OR56A1: variants seen among roughly 807,000 people sequenced by gnomAD.
OR56A1 encodes the protein olfactory receptor 56A1.
For synonymous variants in OR56A1, 174 were observed against 159.1 expected, an observed-to-expected ratio of 1.09 and a Z score of -0.70; for missense variants, 360 against 380.9, an observed-to-expected ratio of 0.94 and a Z score of 0.46.
Position 6,020,137 on chromosome 11 carries a change from A to G in OR56A1, c.*6611T>C, listed in dbSNP as rs1207004564. 3.9e-5 allele frequency: 6 copies of G among 152,142 alleles called. No individual in the cohort carries two copies. The highest frequency in any genetic ancestry group is 8.8e-5 in the Non-Finnish European group (6 of 67,988). The allele number at this position is 152,142 out of a possible 1,614,324, so 9.4% of individuals were successfully genotyped here. A position where few individuals can be genotyped will look rare whatever the true frequency, so the allele number is the denominator to read the frequency against. ...CAACGGCATCTCTTGACAGACCACAAGAATTCTGCATAAACTCAAAAGCTA... is the reference window on the plus strand; with the variant it reads ...CAACGGCATCTCTTGACAGACCACAGGAATTCTGCATAAACTCAAAAGCTA... On this transcript the variant is annotated 3_prime_UTR_variant, in exon 2 of 2. Transcript: ENST00000641900.
rs1472785711 is a variant in OR56A1, at chr11:6,021,530, A to G, written c.*5218T>C. 6.6e-6 allele frequency: 1 copy of G among 152,116 alleles called. No individual in the cohort carries two copies. Among genetic ancestry groups the G allele is most frequent in the Admixed American group, 6.5e-5 (1 of 15,268 alleles). 9.4% of individuals were successfully genotyped at this position (152,116 alleles called of 1,614,324 possible). On this transcript the variant is annotated 3_prime_UTR_variant, in exon 2 of 2. Transcript: ENST00000641900. Reference sequence around the variant, plus strand: ...TTATTATGTATCAATTTTAAAATGAATAATTAAATAAAAAATTATTTAAAG... The same window carrying G: ...TTATTATGTATCAATTTTAAAATGAGTAATTAAATAAAAAATTATTTAAAG...
rs766923276 is a variant in OR56A1, at chr11:6,027,658, A to G, written c.35T>C (p.Val12Ala). ...ASPSNSSTVPVSEFLLICFPN... is the reference protein window; with the variant it reads ...ASPSNSSTVPASEFLLICFPN... Reference sequence around the variant, plus strand: ...GAAGCAGATGAGGAGGAATTCAGAGACTGGGACAGTGGAGCTGTTGCTGGG... The same window carrying G: ...GAAGCAGATGAGGAGGAATTCAGAGGCTGGGACAGTGGAGCTGTTGCTGGG... The change falls in exon 2 of 2, where the codon GTC (valine) becomes GCC (alanine). Residue 12 changes from valine (V) to alanine (A), a missense_variant. Physicochemically the swap from Val to Ala is moderately conservative, Grantham distance 64. Coordinates refer to ENST00000641900, the MANE Select transcript of OR56A1 (RefSeq NM_001388488.1). 2.7e-5 allele frequency: 43 copies of G among 1,605,448 alleles called. No homozygotes were observed. The highest frequency in any genetic ancestry group is 1.7e-4 in the Middle Eastern group (1 of 6,036).
chr11:6,021,270 A>T lies in OR56A1; in HGVS notation c.*5478T>A, dbSNP rs1390190217. On this transcript the variant is annotated 3_prime_UTR_variant, in exon 2 of 2. Coordinates refer to ENST00000641900, the MANE Select transcript of OR56A1 (RefSeq NM_001388488.1). ...GAAGAAAGTTTTTGCTTTAGAATTT[A>T]AAAAATGTATTGATCCTACACAAAT... 6.6e-6 allele frequency: 1 copy of T among 152,128 alleles called. No homozygotes were observed. The highest frequency in any genetic ancestry group is 2.4e-5 in the African/African-American group (1 of 41,440). 9.4% of individuals were successfully genotyped at this position (152,128 alleles called of 1,614,324 possible). A position where few individuals can be genotyped will look rare whatever the true frequency, so the allele number is the denominator to read the frequency against.
At position 6,027,441 on chromosome 11, in the gene OR56A1, G is replaced by A; in HGVS notation, c.252C>T (p.Val84=). Residue 84 remains valine (V), a synonymous_variant, in exon 2 of 2, where the codon GTC becomes GTT. Coordinates refer to ENST00000641900, the MANE Select transcript of OR56A1 (RefSeq NM_001388488.1). The stretch of plus-strand genomic sequence containing the variant: ...TAAGATCATACCAGAAGATGGCCAG[G>A]ACCTTGGGGATGACGGTGAGGCAGA... The part of the protein sequence containing the change: ...IVLCLTVIPK[V]LAIFWYDLRS... 3 of 1,614,228 alleles carry A rather than the reference G, an allele frequency of 1.9e-6. No homozygotes were observed. Among genetic ancestry groups the A allele is most frequent in the Non-Finnish European group, 2.5e-6 (3 of 1,180,044 alleles).
At position 6,023,767 on chromosome 11, in the gene OR56A1, T is replaced by G. The variant is rs1052752810; in HGVS notation, c.*2981A>C. Reference sequence around the variant, plus strand: ...GGTACCCCATCCATTTAAAATGCCTTTAATTTATACTACTTCATTATATCC... The same window carrying G: ...GGTACCCCATCCATTTAAAATGCCTGTAATTTATACTACTTCATTATATCC... On this transcript the variant is annotated 3_prime_UTR_variant, in exon 2 of 2. Transcript: ENST00000641900. The G allele has an allele frequency of 6.6e-6, 1 of 152,214 alleles. No homozygotes were observed. Among genetic ancestry groups the G allele is most frequent in the East Asian group, 1.9e-4 (1 of 5,198 alleles). 9.4% of individuals were successfully genotyped at this position (152,214 alleles called of 1,614,324 possible). A position where few individuals can be genotyped will look rare whatever the true frequency, so the allele number is the denominator to read the frequency against.
At position 6,022,749 on chromosome 11, in the gene OR56A1, C is replaced by G. The variant is rs1401056408; in HGVS notation, c.*3999G>C. ...AATTATAATTCATGGGCTATTTTGA[C>G]CATAATCTCTCTAAAACTTAGTTTT... On this transcript the variant is annotated 3_prime_UTR_variant, in exon 2 of 2. Transcript: ENST00000641900. 1 of 152,036 alleles carries G rather than the reference C, an allele frequency of 6.6e-6. No homozygotes were observed. The highest frequency in any genetic ancestry group is 1.5e-5 in the Non-Finnish European group (1 of 67,986). The allele number at this position is 152,036 out of a possible 1,614,324, so 9.4% of individuals were successfully genotyped here.
chr11:6,027,531 C>A lies in OR56A1; in HGVS notation c.162G>T (p.Leu54=). The change falls in exon 2 of 2, where the codon CTG becomes CTT. Residue 54 remains leucine (L), a synonymous_variant. Transcript: ENST00000641900. The stretch of plus-strand genomic sequence containing the variant: ...ACAGGGGCTGGTGCAGAGAGGCCTC[C>A]AGCTGGATGGTGATCAGGAGGGTGG... The part of the protein sequence containing the change: ...ANTTLLITIQ[L]EASLHQPLYY... 1 of 1,613,986 alleles carries A rather than the reference C, an allele frequency of 6.2e-7. No homozygotes were observed. Among genetic ancestry groups the A allele is most frequent in the South Asian group, 1.1e-5 (1 of 91,052 alleles).
Position 6,026,593 on chromosome 11 carries a change from C to T in OR56A1, c.*155G>A, listed in dbSNP as rs1590486787. 2 of 572,022 alleles carry T rather than the reference C, an allele frequency of 3.5e-6. No homozygotes were observed. The highest frequency in any genetic ancestry group is 5.7e-5 in the East Asian group (2 of 34,826). The allele number at this position is 572,022 out of a possible 1,614,324, so 35.4% of individuals were successfully genotyped here. On this transcript the variant is annotated 3_prime_UTR_variant, in exon 2 of 2. Coordinates refer to ENST00000641900, the MANE Select transcript of OR56A1 (RefSeq NM_001388488.1). Reference sequence around the variant, plus strand: ...TTCCCCTTGCCTACCTCCACCTGAACTAGGCAAGGAAAGTAAAGGAAGGAA... The same window carrying T: ...TTCCCCTTGCCTACCTCCACCTGAATTAGGCAAGGAAAGTAAAGGAAGGAA...
Position 6,026,727 on chromosome 11 carries a change from T to C in OR56A1, c.*21A>G. On this transcript the variant is annotated 3_prime_UTR_variant, in exon 2 of 2. Transcript: ENST00000641900. ...ATCACTGAAGAGGAAGAACAGGAGG[T>C]ATTAGAAATGCTTTACATATTCACC... 1 of 1,401,430 alleles carries C rather than the reference T, an allele frequency of 7.1e-7. No homozygotes were observed. Among genetic ancestry groups the C allele is most frequent in the Non-Finnish European group, 9.9e-7 (1 of 1,009,332 alleles). 86.8% of individuals were successfully genotyped at this position (1,401,430 alleles called of 1,614,324 possible). A position where few individuals can be genotyped will look rare whatever the true frequency, so the allele number is the denominator to read the frequency against.
chr11:6,023,661 T>C lies in OR56A1; in HGVS notation c.*3087A>G, dbSNP rs1385715358. 2 of 152,194 alleles carry C rather than the reference T, an allele frequency of 1.3e-5. No individual in the cohort carries two copies. Among genetic ancestry groups the C allele is most frequent in the African/African-American group, 4.8e-5 (2 of 41,448 alleles). 9.4% of individuals were successfully genotyped at this position (152,194 alleles called of 1,614,324 possible). A position where few individuals can be genotyped will look rare whatever the true frequency, so the allele number is the denominator to read the frequency against. ...ATGTTCTGAATGCACCCTCTTCCAA[T>C]GCAGTTGGAACATATTCAGGTTGTA... On this transcript the variant is annotated 3_prime_UTR_variant, in exon 2 of 2. Transcript: ENST00000641900.
At position 6,026,653 on chromosome 11, in the gene OR56A1, C is replaced by T; in HGVS notation, c.*95G>A. The T allele has an allele frequency of 1.3e-6, 1 of 766,532 alleles. No homozygotes were observed. The highest frequency in any genetic ancestry group is 2.2e-6 in the Non-Finnish European group (1 of 456,236). 47.5% of individuals were successfully genotyped at this position (766,532 alleles called of 1,614,324 possible). ...GTAATGAAGGGAGCCTCAGTGCATG[C>T]AATAAACACTCACTAACTGACATTT... On this transcript the variant is annotated 3_prime_UTR_variant, in exon 2 of 2. Transcript: ENST00000641900.
Position 6,024,930 on chromosome 11 carries a change from G to C in OR56A1, c.*1818C>G, listed in dbSNP as rs1048981491. 1.3e-5 allele frequency: 2 copies of C among 152,084 alleles called. No homozygotes were observed. Among genetic ancestry groups the C allele is most frequent in the Non-Finnish European group, 2.9e-5 (2 of 68,014 alleles). The allele number at this position is 152,084 out of a possible 1,614,324, so 9.4% of individuals were successfully genotyped here. A position where few individuals can be genotyped will look rare whatever the true frequency, so the allele number is the denominator to read the frequency against. On this transcript the variant is annotated 3_prime_UTR_variant, in exon 2 of 2. Coordinates refer to ENST00000641900, the MANE Select transcript of OR56A1 (RefSeq NM_001388488.1). ...AAGAGCCCCTTCCTGTAAGCCAATGGGTATAATTTTTCTTTCCTACTGTTG... is the reference window on the plus strand; with the variant it reads ...AAGAGCCCCTTCCTGTAAGCCAATGCGTATAATTTTTCTTTCCTACTGTTG...
chr11:6,031,561 G>A (rs1296975138), upstream of OR56A1, among the ~76,000 whole-genome samples: 1 of 152,134 alleles, frequency 6.6e-6, no homozygotes, highest in Admixed American at 6.5e-5. Flanking sequence ...AAGTCATATA[G>A]ACAGAACTTA....
rs1288673472 is a variant in OR56A1 at position 6,022,340 on chromosome 11, G to A, written c.*4408C>T. 6.6e-6 allele frequency: 1 copy of A among 152,138 alleles called. No homozygotes were observed. Among genetic ancestry groups the A allele is most frequent in the Non-Finnish European group, 1.5e-5 (1 of 68,022 alleles). The allele number at this position is 152,138 out of a possible 1,614,324, so 9.4% of individuals were successfully genotyped here. On this transcript the variant is annotated 3_prime_UTR_variant, in exon 2 of 2. Transcript: ENST00000641900. ...ATGGAGGATCCACATAATAAAAAAA[G>A]CATGGGTCCCTAAATGTTGATGTGG...
intron 1 of OR56A1, among the ~76,000 whole-genome samples, chr11:6,030,358 C>A (rs1159837645): frequency 6.6e-6 from 1 of 151,058 alleles, no homozygotes; most frequent in Non-Finnish European, 1.5e-5. Flanking sequence ...CTTCATGAGA[C>A]CATAAGTTCA....
rs1848378452 is a variant in OR56A1, at chr11:6,019,967, T to A, written c.*6781A>T. The stretch of plus-strand genomic sequence containing the variant: ...GGTTTAAGGAAAGTCTCTCAACCTC[T>A]TTCTTAAATAGGACACAGTCTTAAT... On this transcript the variant is annotated 3_prime_UTR_variant, in exon 2 of 2. Coordinates refer to ENST00000641900, the MANE Select transcript of OR56A1 (RefSeq NM_001388488.1). 1 of 151,926 alleles carries A rather than the reference T, an allele frequency of 6.6e-6. No individual in the cohort carries two copies. The highest frequency in any genetic ancestry group is 1.5e-5 in the Non-Finnish European group (1 of 67,960). 9.4% of individuals were successfully genotyped at this position (151,926 alleles called of 1,614,324 possible).
chr11:6,026,960 C>T lies in OR56A1; in HGVS notation c.733G>A (p.Gly245Ser), dbSNP rs373962408. 9 of 1,613,954 alleles carry T rather than the reference C, an allele frequency of 5.6e-6. No individual in the cohort carries two copies. The highest frequency in any genetic ancestry group is 2.7e-5 in the African/African-American group (2 of 74,920). Residue 245 changes from glycine (G) to serine (S), a missense_variant, in exon 2 of 2, where the codon GGC becomes AGC. Gly to Ser is a moderately conservative substitution (Grantham distance 56). Transcript: ENST00000641900. ...AAAAGAATGAGGATGAAGTGGGAGC[C>T]ACATGTGCTCAGGGCCTTCACTGCC... ...GAAVKALSTC[G>S]SHFILILFFS... is the part of the protein sequence containing the mutation.
At position 6,022,979 on chromosome 11, in the gene OR56A1, G is replaced by C. The variant is rs1348142118; in HGVS notation, c.*3769C>G. The C allele has an allele frequency of 6.6e-6, 1 of 152,140 alleles. No individual in the cohort carries two copies. Among genetic ancestry groups the C allele is most frequent in the Non-Finnish European group, 1.5e-5 (1 of 68,008 alleles). The allele number at this position is 152,140 out of a possible 1,614,324, so 9.4% of individuals were successfully genotyped here. A position where few individuals can be genotyped will look rare whatever the true frequency, so the allele number is the denominator to read the frequency against. On this transcript the variant is annotated 3_prime_UTR_variant, in exon 2 of 2. Transcript: ENST00000641900. The stretch of plus-strand genomic sequence containing the variant: ...GTATTGACTTTTAAATGTTGCTGAA[G>C]AAAAGAAAATCATGGTATAAATTGG...
chr11:6,027,092 A>T lies in OR56A1; in HGVS notation c.601T>A (p.Tyr201Asn). ...AAGGTCCAACCAGCCACAAATTGGTAGATTCTGTTAAGGGTGAAATTATCA... is the reference window on the plus strand; with the variant it reads ...AAGGTCCAACCAGCCACAAATTGGTTGATTCTGTTAAGGGTGAAATTATCA... ...SCDNFTLNRI[Y>N]QFVAGWTLLG... is the part of the protein sequence containing the mutation. Residue 201 changes from tyrosine (Y) to asparagine (N), a missense_variant, in exon 2 of 2, where the codon TAC (tyrosine) becomes AAC (asparagine). Tyr to Asn is a moderately radical substitution (Grantham distance 143, BLOSUM62 -2). Transcript: ENST00000641900. 1 of 1,614,224 alleles carries T rather than the reference A, an allele frequency of 6.2e-7. No individual in the cohort carries two copies. Among genetic ancestry groups the T allele is most frequent in the East Asian group, 2.2e-5 (1 of 44,890 alleles).
Sources: allele counts gnomAD v4.1 joint callset (sites outside exome capture counted in the v4.1 genomes callset), GRCh38; gene constraint gnomAD v4.1.1; transcripts MANE v1.5; gene names NCBI Gene and HGNC (gene_info 2026-07-23, HGNC 2026-07-21).